Variants in NRG1 observed in about 807,000 individuals in gnomAD.
NRG1 encodes the protein pro-neuregulin-1, membrane-bound isoform.
A neutral mutation model predicts 63.8 loss-of-function variants in NRG1; 18 were observed. The observed-to-expected ratio is 0.28, with a 90% CI of 0.19 to 0.42. The LOEUF (loss-of-function observed/expected upper bound fraction) is 0.42. Ranked by LOEUF, NRG1 falls within the 10% of genes least tolerant of loss-of-function variation. The pLI is 1.00. For missense variants in NRG1, 762 were observed against 814.7 expected (o/e 0.94, Z 0.79); for synonymous variants, 302 against 301.3 (o/e 1.00, Z -0.02).
intron 5 of NRG1, among the ~76,000 whole-genome samples, chr8:32,638,003 C>T (rs747394827): frequency 1.3e-5 from 2 of 152,024 alleles, no homozygotes; most frequent in African/African-American, 4.8e-5. Flanking sequence ...TGGCTCTAGG[C>T]GAGAGAAAGT....
At chr8:31,708,656 G>A (rs965224591) in intron 1 of NRG1, among the ~76,000 whole-genome samples, 40 of 151,652 alleles carry the variant, frequency 2.6e-4, no homozygotes, top group African/African-American at 8.7e-4. Flanking sequence ...CGTTTTAGCC[G>A]GGATGGTCTC....
At chr8:32,702,513 G>A (rs904072357) in intron 5 of NRG1, among the ~76,000 whole-genome samples, 7 of 152,152 alleles carry the variant, frequency 4.6e-5, no homozygotes, top group African/African-American at 9.7e-5. Flanking sequence ...TTGAGGAGGA[G>A]TCTCGCCTTG....
intron 1 of NRG1, among the ~76,000 whole-genome samples, chr8:32,155,651 A>T (rs533241073): frequency 2.0e-5 from 3 of 152,152 alleles, no homozygotes; most frequent in Admixed American, 1.3e-4. Flanking sequence ...CCTTGCTTCC[A>T]TCATACCTTT....
At chr8:32,466,148 C>T (rs1031976224) in intron 1 of NRG1, among the ~76,000 whole-genome samples, 2 of 152,050 alleles carry the variant, frequency 1.3e-5, no homozygotes, top group Non-Finnish European at 2.9e-5. Context: ...ACAAATAATA[C>T]ATACATACAT....
At chr8:31,813,020 A>G (rs1823037492) in intron 1 of NRG1, among the ~76,000 whole-genome samples, 1 of 152,050 alleles carries the variant, frequency 6.6e-6, no homozygotes, top group South Asian at 2.1e-4. Context: ...ATCTGAACCA[A>G]TGTTTTCTTT....
chr8:32,668,968 G>A (rs1244733749), intron 5 of NRG1, among the ~76,000 whole-genome samples: 1 of 152,172 alleles, frequency 6.6e-6, no homozygotes, highest in Non-Finnish European at 1.5e-5. Context: ...GATAGAGAGT[G>A]TTCTCTTTAA....
At chr8:31,842,678 G>A (rs1265458874) in intron 1 of NRG1, among the ~76,000 whole-genome samples, 1 of 152,060 alleles carries the variant, frequency 6.6e-6, no homozygotes, top group African/African-American at 2.4e-5. Flanking sequence ...CTTGAGGCCA[G>A]GAAATGCATC....
intron 5 of NRG1, among the ~76,000 whole-genome samples, chr8:32,700,827 T>A (rs1814667863): frequency 6.6e-6 from 1 of 152,176 alleles, no homozygotes; most frequent in Admixed American, 6.6e-5. Context: ...TTGCCCTGAT[T>A]CCTTTTCATC....
intron 1 of NRG1, among the ~76,000 whole-genome samples, chr8:31,648,333 C>T (rs996685406): frequency 1.3e-5 from 2 of 151,762 alleles, no homozygotes; most frequent in Admixed American, 1.3e-4. Context: ...GGGGTTTCAC[C>T]GTGTTAGCCA....
chr8:32,579,486 C>G (rs1208930390), intron 1 of NRG1, among the ~76,000 whole-genome samples: 2 of 152,152 alleles, frequency 1.3e-5, no homozygotes, highest in Admixed American at 6.5e-5. Context: ...TTCCTGAATT[C>G]CTCATGGTTT....
intron 1 of NRG1, among the ~76,000 whole-genome samples, chr8:31,828,459 G>C (rs563086616): frequency 7.2e-5 from 11 of 152,276 alleles, no homozygotes; most frequent in Admixed American, 5.9e-4. Flanking sequence ...GAACCAAAGA[G>C]CTCTGGGCAC....
chr8:32,321,316 T>C (rs1383188494), intron 1 of NRG1, among the ~76,000 whole-genome samples: 1 of 152,160 alleles, frequency 6.6e-6, no homozygotes, highest in Non-Finnish European at 1.5e-5. Flanking sequence ...TTTTAGCTTA[T>C]TGATGGTATT....
chr8:32,584,721 A>T (rs921395050), intron 1 of NRG1, among the ~76,000 whole-genome samples: 1 of 152,194 alleles, frequency 6.6e-6, no homozygotes, highest in African/African-American at 2.4e-5. Context: ...CTCTGCTAAA[A>T]TTTTTCTTTT....
intron 1 of NRG1, among the ~76,000 whole-genome samples, chr8:31,979,255 G>T (rs1440687969): frequency 6.6e-6 from 1 of 152,070 alleles, no homozygotes; most frequent in Non-Finnish European, 1.5e-5. Flanking sequence ...GTTCTTGCTT[G>T]TGAATGGAAA....
intron 5 of NRG1, among the ~76,000 whole-genome samples, chr8:32,627,015 A>G (rs542734835): frequency 1.6e-3 from 241 of 151,410 alleles, no homozygotes; most frequent in Non-Finnish European, 2.8e-3. Flanking sequence ...GCAACACTCT[A>G]TCTCAAAAAA....
chr8:32,459,816 G>A (rs1283165322), intron 1 of NRG1, among the ~76,000 whole-genome samples: 1 of 152,100 alleles, frequency 6.6e-6, no homozygotes, highest in Admixed American at 6.6e-5. Context: ...CAGGCCTTAG[G>A]GCCTTTGCAA....
intron 1 of NRG1, among the ~76,000 whole-genome samples, chr8:31,964,362 A>G (rs922060222): frequency 2.0e-5 from 3 of 152,266 alleles, no homozygotes; most frequent in African/African-American, 7.2e-5. Context: ...TGGCAATATC[A>G]GAGAAGCTTA....
chr8:32,749,410 C>A, intron 7 of NRG1: 1 of 811,390 alleles, frequency 1.2e-6, no homozygotes, highest in South Asian at 1.4e-5. Context: ...CTGAGCACTG[C>A]TTCTTAACCA....
intron 1 of NRG1, among the ~76,000 whole-genome samples, chr8:32,322,188 CTAAAAAAAAA>C (rs748360581): frequency 8.0e-4 from 120 of 149,102 alleles, no homozygotes; most frequent in Admixed American, 1.5e-3. Context: ...GACCCCATCT[CTAAAAAAAAA>C]GAAAAAAAAA....
Sources: gnomAD v4.1 joint callset for allele counts (sites outside exome capture counted in the v4.1 genomes callset) on GRCh38, gnomAD v4.1.1 for gene constraint, MANE v1.5 for transcripts, NCBI Gene and HGNC (gene_info 2026-07-23, HGNC 2026-07-21) for gene names.